The following SPATA6L variants were observed in gnomAD, a reference collection of about 807,000 sequenced individuals.
SPATA6L encodes the protein spermatogenesis associated 6-like protein.
Under a neutral mutation model 49.2 loss-of-function variants are expected in SPATA6L, and 68 were observed. The observed-to-expected ratio is 1.38, with a 90% CI of 1.14 to 1.69. The LOEUF is 1.69. SPATA6L is among the 40% of genes most tolerant of loss of function. SPATA6L has a pLI of 0.00. For missense variants in SPATA6L, 668 were observed against 464.3 expected, an observed-to-expected ratio of 1.44 and a Z score of -4.03; for synonymous variants, 198 against 165.7, an observed-to-expected ratio of 1.19 and a Z score of -1.50.
intron 9 of SPATA6L, among the ~76,000 whole-genome samples, chr9:4,607,971 C>CA (rs1825727245): frequency 6.6e-6 from 1 of 151,032 alleles, no homozygotes; most frequent in Admixed American, 6.6e-5. Flanking sequence ...AAATGGAAAA[C>CA]AAAAAAAGGC....
downstream of SPATA6L, among the ~76,000 whole-genome samples, chr9:4,596,016 C>A (rs979167080): frequency 6.6e-6 from 1 of 152,170 alleles, no homozygotes; most frequent in Non-Finnish European, 1.5e-5. Context: ...ACTCCAGCTC[C>A]CATCACTCAC....
At chr9:4,644,443 C>T (rs139744309) in intron 3 of SPATA6L, among the ~76,000 whole-genome samples, 5 of 151,816 alleles carry the variant, frequency 3.3e-5, no homozygotes, top group African/African-American at 1.2e-4. Flanking sequence ...AAAAACTATG[C>T]TATGTAAAAA....
intron 5 of SPATA6L, chr9:4,627,690 G>A (rs1298703482): frequency 7.9e-7 from 1 of 1,261,888 alleles, no homozygotes; most frequent in Non-Finnish European, 1.0e-6. Context: ...CAGACACTAG[G>A]ACTGAAGAAG....
chr9:4,663,267 C>T (rs1251811771), intron 1 of SPATA6L: 31 of 1,608,894 alleles, frequency 1.9e-5, no homozygotes, highest in Non-Finnish European at 2.4e-5. Context: ...ACGATGACAC[C>T]ATCTCATTGA....
intron 2 of SPATA6L, among the ~76,000 whole-genome samples, chr9:4,657,285 T>A (rs1838499792): frequency 6.6e-6 from 1 of 152,186 alleles, no homozygotes; most frequent in African/African-American, 2.4e-5. Context: ...TGTGGGTAAG[T>A]GGGGTTTTTT....
At chr9:4,626,421 C>T (rs1445983102) in intron 5 of SPATA6L, 2 of 1,303,856 alleles carry the variant, frequency 1.5e-6, no homozygotes, top group South Asian at 2.5e-5. Flanking sequence ...TCATCCAAGT[C>T]CCACCTTCGA....
intron 3 of SPATA6L, among the ~76,000 whole-genome samples, chr9:4,653,614 G>T (rs976298733): frequency 6.6e-6 from 1 of 152,098 alleles, no homozygotes; most frequent in Admixed American, 6.5e-5. Context: ...TCTAACAAAG[G>T]TCTTGTATCT....
At chr9:4,602,225 A>T (rs1823499993) in intron 11 of SPATA6L, among the ~76,000 whole-genome samples, 1 of 151,958 alleles carries the variant, frequency 6.6e-6, no homozygotes, top group African/African-American at 2.4e-5. Flanking sequence ...ATGTAACTTG[A>T]TATTACCCAT....
At chr9:4,644,408 C>A (rs1000639889) in intron 3 of SPATA6L, among the ~76,000 whole-genome samples, 16 of 150,980 alleles carry the variant, frequency 1.1e-4, no homozygotes, top group African/African-American at 3.2e-4. Context: ...TGGTGACATA[C>A]AAGGGGGAAA....
chr9:4,632,142 T>C (rs537634752), intron 4 of SPATA6L, among the ~76,000 whole-genome samples: 56 of 149,038 alleles, frequency 3.8e-4, no homozygotes, highest in African/African-American at 1.2e-3. Flanking sequence ...TGCCTCAGCA[T>C]CTCAGTAGCC....
In SPATA6L at chr9:4,662,433, A is replaced by T; in HGVS notation, c.40-397T>A. 1 of 1,543,376 alleles carries T rather than the reference A, an allele frequency of 6.5e-7. No homozygotes were observed. Among genetic ancestry groups the T allele is most frequent in the Non-Finnish European group, 8.7e-7 (1 of 1,153,074 alleles). On this transcript the variant is annotated intron_variant, in intron 1 of 11. Transcript: ENST00000682582. This position sits in a 1 kb window ranked among gnomAD's most constrained non-coding sequence, Gnocchi z 4.9. ...GCCGCTGGGCGTCTCCGCTTCGAGCAGCAGCAGCAGCCCCGGCAGCCCAGC... is the reference window on the plus strand; with the variant it reads ...GCCGCTGGGCGTCTCCGCTTCGAGCTGCAGCAGCAGCCCCGGCAGCCCAGC...
At position 4,662,971 on chromosome 9, in the gene SPATA6L, T is replaced by A; in HGVS notation, c.40-935A>T. Reference sequence around the variant, plus strand: ...CGCCCGGCCCACAACCAGATGGACATGTTTGTCACTCTCTCGGTGGACAAG... The same window carrying A: ...CGCCCGGCCCACAACCAGATGGACAAGTTTGTCACTCTCTCGGTGGACAAG... On this transcript the variant is annotated intron_variant, in intron 1 of 11. Coordinates refer to ENST00000682582, the MANE Select transcript of SPATA6L (RefSeq NM_001353486.2). This position sits in a 1 kb window ranked among gnomAD's most constrained non-coding sequence, Gnocchi z 4.9. The A allele has an allele frequency of 6.2e-7, 1 of 1,612,752 alleles. No homozygotes were observed. The highest frequency in any genetic ancestry group is 8.5e-7 in the Non-Finnish European group (1 of 1,179,876).
intron 4 of SPATA6L, chr9:4,633,576 T>C: frequency 5.3e-6 from 1 of 190,338 alleles, no homozygotes; most frequent in East Asian, 1.2e-4. Flanking sequence ...TTACTCCACA[T>C]GTCCTGTAAC....
intron 11 of SPATA6L, among the ~76,000 whole-genome samples, chr9:4,603,481 G>C (rs76042983): frequency 1.3e-5 from 2 of 152,124 alleles, no homozygotes; most frequent in South Asian, 2.1e-4. Flanking sequence ...CATTGTGGAG[G>C]GTCAGGTGAT....
chr9:4,590,458 G>C (rs1165448167), intron 13 of SPATA6L, among the ~76,000 whole-genome samples: 1 of 152,186 alleles, frequency 6.6e-6, no homozygotes, highest in Non-Finnish European at 1.5e-5. Context: ...TCCAGAATTA[G>C]GGTGACACTT....
intron 4 of SPATA6L, among the ~76,000 whole-genome samples, chr9:4,629,769 G>GTGTGTA (rs1311805859): frequency 6.9e-5 from 7 of 101,938 alleles, no homozygotes; most frequent in African/African-American, 3.5e-4. Flanking sequence ...GTGTGTGTGT[G>GTGTGTA]TATATATATA....
At chr9:4,646,386 T>C in intron 3 of SPATA6L, 4 of 700,306 alleles carry the variant, frequency 5.7e-6, no homozygotes, top group Non-Finnish European at 6.7e-6. Flanking sequence ...TTGTATGTTA[T>C]TTTCAAACAC....
At chr9:4,589,260 G>A (rs150066256) in intron 13 of SPATA6L, among the ~76,000 whole-genome samples, 2 of 152,336 alleles carry the variant, frequency 1.3e-5, no homozygotes, top group East Asian at 3.9e-4. Flanking sequence ...TATGTCTAAC[G>A]AATGCTAGTG....
At chr9:4,589,160 T>A (rs1033583562) in intron 13 of SPATA6L, among the ~76,000 whole-genome samples, 30 of 152,188 alleles carry the variant, frequency 2.0e-4, no homozygotes, top group African/African-American at 7.0e-4. Flanking sequence ...TTCCATGAAA[T>A]AGGAATAAAA....
Sources: gnomAD v4.1 joint callset for allele counts (sites outside exome capture counted in the v4.1 genomes callset) on GRCh38, gnomAD v4.1.1 for gene constraint, Gnocchi (gnomAD v3.1) non-coding constraint, MANE v1.5 for transcripts, NCBI Gene and HGNC (gene_info 2026-07-23, HGNC 2026-07-21) for gene names.